NBEA: variants seen among roughly 807,000 people sequenced by gnomAD.
The protein encoded by NBEA is neurobeachin.
Under a neutral mutation model 343.4 loss-of-function variants are expected in NBEA, and 44 were observed. The observed-to-expected ratio is 0.13, with a 90% CI of 0.10 to 0.16. The LOEUF (loss-of-function observed/expected upper bound fraction) is 0.16, where lower values mean the gene tolerates loss of function less well. Among genes scored for constraint, NBEA ranks in the 10% least tolerant of loss-of-function variants. NBEA has a pLI of 1.00. For missense variants in NBEA, 2,555 were observed against 3,631.3 expected (o/e 0.70, Z 7.62); for synonymous variants, 1,175 against 1,238.7 (o/e 0.95, Z 1.08).
Position 35,432,258 on chromosome 13 carries a change from TC to T in NBEA, c.6180-10del. ...ATTAATAGGGATTACTTTTTTTCCCTCTACTCTTAGCCAATTGCATGATTTC... is the reference window on the plus strand; with the variant it reads ...ATTAATAGGGATTACTTTTTTTCCCTTACTCTTAGCCAATTGCATGATTTC... On this transcript the variant is annotated splice_polypyrimidine_tract_variant and intron_variant, in intron 38 of 58. Transcript: ENST00000379939. The T allele has an allele frequency of 6.3e-7, 1 of 1,590,400 alleles. No individual in the cohort carries two copies. The highest frequency in any genetic ancestry group is 1.1e-5 in the South Asian group (1 of 87,388).
intron 41 of NBEA, among the ~76,000 whole-genome samples, chr13:35,505,803 T>C (rs2077051732): frequency 6.6e-6 from 1 of 152,206 alleles, no homozygotes; most frequent in Non-Finnish European, 1.5e-5. Flanking sequence ...TTTTAATGAA[T>C]ATTCAATTAA....
At chr13:35,174,974 G>T (rs1385035975) in intron 27 of NBEA, among the ~76,000 whole-genome samples, 2 of 151,822 alleles carry the variant, frequency 1.3e-5, no homozygotes, top group Non-Finnish European at 2.9e-5. Flanking sequence ...TCTATTTTTA[G>T]TGGAGACGGG....
chr13:35,516,202 T>C (rs2077480257), intron 41 of NBEA, among the ~76,000 whole-genome samples: 1 of 152,214 alleles, frequency 6.6e-6, no homozygotes. Context: ...AGCCTACATT[T>C]CATCCTTGTC....
At chr13:34,999,681 C>A (rs1301345225) in intron 1 of NBEA, among the ~76,000 whole-genome samples, 1 of 151,836 alleles carries the variant, frequency 6.6e-6, no homozygotes, top group Non-Finnish European at 1.5e-5. Context: ...TTTGACTCAG[C>A]CTTATGGGTT....
chr13:35,118,099 G>T, intron 14 of NBEA, 129 bp from the exon 15 acceptor site: 1 of 535,070 alleles, frequency 1.9e-6, no homozygotes, highest in Non-Finnish European at 3.1e-6. Flanking sequence ...AAATGTGTGG[G>T]GATTTTAATT....
intron 35 of NBEA, among the ~76,000 whole-genome samples, chr13:35,299,103 G>A (rs2152824354): frequency 6.6e-6 from 1 of 151,834 alleles, no homozygotes; most frequent in Non-Finnish European, 1.5e-5. Context: ...CAGTTATAAT[G>A]AACATTCACT....
intron 35 of NBEA, among the ~76,000 whole-genome samples, chr13:35,293,521 C>T (rs1248184101): frequency 1.3e-5 from 2 of 151,916 alleles, no homozygotes; most frequent in Non-Finnish European, 2.9e-5. Flanking sequence ...CAAATCAGTG[C>T]TTAATTAGGG....
chr13:35,273,989 G>A (rs1457906274), intron 34 of NBEA, among the ~76,000 whole-genome samples: 3 of 152,138 alleles, frequency 2.0e-5, no homozygotes, highest in African/African-American at 7.2e-5. Flanking sequence ...AATAGAAAAA[G>A]AGGGAATCCT....
intron 10 of NBEA, among the ~76,000 whole-genome samples, chr13:35,084,909 C>T (rs1055820482): frequency 1.3e-4 from 20 of 151,804 alleles, no homozygotes; most frequent in African/African-American, 1.9e-4. Flanking sequence ...ATATCACCAC[C>T]GATCCCACAG....
At chr13:35,464,795 T>G (rs936740630) in intron 40 of NBEA, among the ~76,000 whole-genome samples, 1 of 152,228 alleles carries the variant, frequency 6.6e-6, no homozygotes, top group Non-Finnish European at 1.5e-5. Context: ...ATAATTATTC[T>G]TGTGTATTCT....
chr13:35,090,723 C>CA (rs569559734), intron 10 of NBEA, among the ~76,000 whole-genome samples: 207 of 151,814 alleles, frequency 1.4e-3, no homozygotes, highest in African/African-American at 4.8e-3. Flanking sequence ...AGTAAGAATA[C>CA]AAAAAAATCA....
chr13:35,351,322 CTG>C (rs914431392), intron 37 of NBEA, among the ~76,000 whole-genome samples: 3 of 151,800 alleles, frequency 2.0e-5, no homozygotes, highest in Admixed American at 1.3e-4. Flanking sequence ...TCACACCACT[CTG>C]TATATTTATT....
At chr13:35,253,190 A>C (rs1283782383) in intron 34 of NBEA, among the ~76,000 whole-genome samples, 2 of 152,194 alleles carry the variant, frequency 1.3e-5, no homozygotes, top group African/African-American at 2.4e-5. Context: ...TTGGAAATAA[A>C]ATATATACCC....
intron 41 of NBEA, among the ~76,000 whole-genome samples, chr13:35,489,982 C>A (rs1428919085): frequency 6.6e-6 from 1 of 151,900 alleles, no homozygotes; most frequent in Non-Finnish European, 1.5e-5. Flanking sequence ...TGTTTCTTTA[C>A]GTGCCCTCAC....
At chr13:35,344,909 C>A (rs1288216797) in intron 36 of NBEA, among the ~76,000 whole-genome samples, 4 of 151,976 alleles carry the variant, frequency 2.6e-5, no homozygotes, top group African/African-American at 7.2e-5. Flanking sequence ...ACTGTGTAAT[C>A]TTAATTATAA....
intron 13 of NBEA, among the ~76,000 whole-genome samples, chr13:35,114,419 G>A (rs559608248): frequency 3.3e-5 from 5 of 152,028 alleles, no homozygotes; most frequent in African/African-American, 9.6e-5. Context: ...TGATACACAC[G>A]GCATAACCTT....
At chr13:35,649,952 C>CA (rs1294663655) in intron 52 of NBEA, 105 bp downstream of exon 52, 7 of 1,086,390 alleles carry the variant, frequency 6.4e-6, no homozygotes, top group African/African-American at 1.6e-5. Flanking sequence ...ACATTATCTA[C>CA]AAAAAACAGC....
At chr13:35,397,993 T>C (rs1467710525) in intron 38 of NBEA, among the ~76,000 whole-genome samples, 1 of 152,136 alleles carries the variant, frequency 6.6e-6, no homozygotes, top group Non-Finnish European at 1.5e-5. Context: ...TGCTGTTTGA[T>C]AGCATTTTCC....
At chr13:34,962,042 A>T (rs2059675961) in intron 1 of NBEA, among the ~76,000 whole-genome samples, 1 of 152,136 alleles carries the variant, frequency 6.6e-6, no homozygotes. Context: ...CTGAGTTAAT[A>T]CAAGTTAATT....
Sources: gnomAD v4.1 joint callset for allele counts (sites outside exome capture counted in the v4.1 genomes callset) on GRCh38, gnomAD v4.1.1 for gene constraint, MANE v1.5 for transcripts, NCBI Gene and HGNC (gene_info 2026-07-23, HGNC 2026-07-21) for gene names.